The following ADGRL3 variants were observed in gnomAD, a reference collection of about 807,000 sequenced individuals.
The protein encoded by ADGRL3 is adhesion G protein-coupled receptor L3, also known as calcium-independent alpha-latrotoxin receptor 3.
In ADGRL3, 62 loss-of-function variants were observed where a neutral mutation model predicts 153.5. The ratio of observed to expected loss-of-function variants is 0.40; its 90% CI spans 0.33 to 0.50. The LOEUF is 0.50. ADGRL3 is among the 20% of genes least tolerant of loss of function. The pLI is 0.47. For synonymous variants in ADGRL3, 710 were observed against 672.5 expected, an observed-to-expected ratio of 1.06 and a Z score of -0.86; for missense variants, 1,641 against 1,859.4, an observed-to-expected ratio of 0.88 and a Z score of 2.16.
intron 2 of ADGRL3, among the ~76,000 whole-genome samples, chr4:61,410,916 C>T (rs749007304): frequency 6.6e-6 from 1 of 152,158 alleles, no homozygotes; most frequent in Non-Finnish European, 1.5e-5. Context: ...TAACTGAGAA[C>T]CCATCCTATG....
At chr4:61,462,983 T>G (rs2097841886) in intron 2 of ADGRL3, among the ~76,000 whole-genome samples, 1 of 152,002 alleles carries the variant, frequency 6.6e-6, no homozygotes, top group Non-Finnish European at 1.5e-5. Flanking sequence ...GCTAGAAAAA[T>G]AAAAGACCAG....
chr4:61,455,431 G>A (rs2097723241), intron 2 of ADGRL3, among the ~76,000 whole-genome samples: 1 of 152,164 alleles, frequency 6.6e-6, no homozygotes. Context: ...GAGACTGGAT[G>A]CTGAGACCAC....
chr4:61,610,618 C>T (rs989546470), intron 5 of ADGRL3, among the ~76,000 whole-genome samples: 2 of 152,020 alleles, frequency 1.3e-5, no homozygotes, highest in East Asian at 1.9e-4. Context: ...TATAGTGAGA[C>T]GGTCAAGTGG....
chr4:61,814,675 C>A (rs935213489), intron 9 of ADGRL3, among the ~76,000 whole-genome samples: 1 of 152,130 alleles, frequency 6.6e-6, no homozygotes, highest in Non-Finnish European at 1.5e-5. Flanking sequence ...TGAGGTCTGA[C>A]GTTTCTGAAC....
chr4:61,207,398 A>G (rs1577852915), intron 1 of ADGRL3, among the ~76,000 whole-genome samples: 1 of 152,160 alleles, frequency 6.6e-6, no homozygotes, highest in South Asian at 2.1e-4. Context: ...TTATGGCTGC[A>G]TAGTATTCCA....
At chr4:61,747,341 C>G (rs956226540) in intron 8 of ADGRL3, among the ~76,000 whole-genome samples, 1 of 151,780 alleles carries the variant, frequency 6.6e-6, no homozygotes, top group Non-Finnish European at 1.5e-5. Context: ...AGAGGGAATC[C>G]TCCCTAACTC....
rs2098727757 is a variant in ADGRL3, at chr4:61,912,794, G to A, written c.2112+37G>A. On this transcript the variant is annotated intron_variant, in intron 13 of 26. Transcript: ENST00000683033. ...GTTTTTATAAATGTGTTAAGTTGTTGAATGTCTCTGTTGTGATGGCATGAA... is the reference window on the plus strand; with the variant it reads ...GTTTTTATAAATGTGTTAAGTTGTTAAATGTCTCTGTTGTGATGGCATGAA... The A allele has an allele frequency of 1.9e-6, 3 of 1,589,328 alleles. No individual in the cohort carries two copies. The South Asian group carries it at 3.3e-5, about 18-fold the overall frequency.
intron 10 of ADGRL3, among the ~76,000 whole-genome samples, chr4:61,895,268 C>T (rs2098621944): frequency 6.6e-6 from 1 of 152,110 alleles, no homozygotes; most frequent in South Asian, 2.1e-4. Context: ...GAGTTTGAGA[C>T]CAGCCTGGCC....
chr4:61,746,997 T>C (rs1580592730), intron 8 of ADGRL3, among the ~76,000 whole-genome samples: 1 of 152,186 alleles, frequency 6.6e-6, no homozygotes, highest in East Asian at 1.9e-4. Context: ...AATGATCAAA[T>C]AGATGCAATA....
At chr4:61,627,055 C>A (rs779669069) in intron 5 of ADGRL3, among the ~76,000 whole-genome samples, 1 of 151,940 alleles carries the variant, frequency 6.6e-6, no homozygotes, top group Non-Finnish European at 1.5e-5. Flanking sequence ...GGATTTGCTC[C>A]TTTTCAAATA....
intron 19 of ADGRL3, among the ~76,000 whole-genome samples, chr4:61,988,975 A>G (rs2099095033): frequency 6.6e-6 from 1 of 152,282 alleles, no homozygotes; most frequent in East Asian, 1.9e-4. Context: ...TAAATTATCT[A>G]TTAAACTTTA....
intron 6 of ADGRL3, among the ~76,000 whole-genome samples, chr4:61,706,292 C>A (rs58507428): frequency 0.027 from 4,141 of 152,030 alleles, 210 homozygotes; most frequent in African/African-American, 0.094. Flanking sequence ...CGTGGTGGCA[C>A]ATGCCTGTAA....
chr4:61,445,467 C>T (rs2097571947), intron 2 of ADGRL3, among the ~76,000 whole-genome samples: 1 of 152,078 alleles, frequency 6.6e-6, no homozygotes, highest in South Asian at 2.1e-4. Context: ...AACTTGGGTT[C>T]TAAAGTGCAA....
At chr4:61,773,956 A>C (rs2097115062) in intron 8 of ADGRL3, among the ~76,000 whole-genome samples, 1 of 152,204 alleles carries the variant, frequency 6.6e-6, no homozygotes, top group Admixed American at 6.5e-5. Flanking sequence ...GGAACATGAG[A>C]GCTACAGTAG....
chr4:61,613,713 C>T (rs1265527152), intron 5 of ADGRL3, among the ~76,000 whole-genome samples: 1 of 152,204 alleles, frequency 6.6e-6, no homozygotes, highest in South Asian at 2.1e-4. Flanking sequence ...TACTGCACTC[C>T]AGCCTGGGTG....
chr4:61,430,771 A>G (rs562493336), intron 2 of ADGRL3, among the ~76,000 whole-genome samples: 1 of 152,302 alleles, frequency 6.6e-6, no homozygotes, highest in East Asian at 1.9e-4. Flanking sequence ...TAAATTCACC[A>G]CTAAATGACT....
chr4:62,007,480 A>G (rs1228917848), intron 21 of ADGRL3, among the ~76,000 whole-genome samples: 3 of 140,092 alleles, frequency 2.1e-5, no homozygotes, highest in African/African-American at 8.2e-5. Flanking sequence ...GTATATATAT[A>G]TATATGTATA....
chr4:61,374,182 C>G lies in ADGRL3; in HGVS notation c.-239-8942C>G, dbSNP rs910986829. On this transcript the variant is annotated intron_variant, in intron 1 of 26. Coordinates refer to ENST00000683033, the MANE Select transcript of ADGRL3 (RefSeq NM_001387552.1). ...ATTTCTGAAAAGTTGGGGCAAATATCCCTCCTATTCAAGTGTCCACTGCAG... is the reference window on the plus strand; with the variant it reads ...ATTTCTGAAAAGTTGGGGCAAATATGCCTCCTATTCAAGTGTCCACTGCAG... 5.3e-5 allele frequency among the ~76,000 whole-genome samples: 8 copies of G among 152,166 alleles called. No individual in the cohort carries two copies. The South Asian group carries it at 1.0e-3, about 20-fold the overall frequency.
chr4:61,713,125 C>T (rs1057283519), intron 6 of ADGRL3, among the ~76,000 whole-genome samples: 2 of 152,022 alleles, frequency 1.3e-5, no homozygotes, highest in Non-Finnish European at 2.9e-5. Flanking sequence ...GTTACTATAT[C>T]GCTAGCTTGA....
Sources: allele counts gnomAD v4.1 joint callset (sites outside exome capture counted in the v4.1 genomes callset), GRCh38; gene constraint gnomAD v4.1.1; transcripts MANE v1.5; gene names NCBI Gene and HGNC (gene_info 2026-07-23, HGNC 2026-07-21).